Variants in PXDC1 observed in about 807,000 individuals in gnomAD.
PXDC1 encodes the protein PX domain-containing protein 1.
A neutral mutation model predicts 24.4 loss-of-function variants in PXDC1; 13 were observed. That is an observed-to-expected ratio of 0.53 (90% CI 0.35 to 0.85). The LOEUF is 0.85. Ranked by LOEUF, PXDC1 falls within the 40% of genes least tolerant of loss-of-function variation. PXDC1 has a pLI of 0.01. For missense variants in PXDC1, 344 were observed against 309.3 expected (o/e 1.11, Z -0.84); for synonymous variants, 162 against 124.9 (o/e 1.30, Z -1.98).
At position 3,751,686 on chromosome 6, in the gene PXDC1, G is replaced by C; in HGVS notation, c.-155C>G. The C allele has an allele frequency of 8.9e-7, 1 of 1,127,446 alleles. No homozygotes were observed. The highest frequency in any genetic ancestry group is 1.1e-6 in the Non-Finnish European group (1 of 898,150). The allele number at this position is 1,127,446 out of a possible 1,614,324, so 69.8% of individuals were successfully genotyped here. A position where few individuals can be genotyped will look rare whatever the true frequency, so the allele number is the denominator to read the frequency against. On this transcript the variant is annotated 5_prime_UTR_variant, in exon 1 of 5. Coordinates refer to ENST00000380283, the MANE Select transcript of PXDC1 (RefSeq NM_183373.4). ...AGGAGGCTGCGTATGGCCCGCGTTC[G>C]GGGCAGCGGGGCGGCGCGGCGGCGA... is the stretch of plus-strand genomic sequence containing the variant.
At chr6:3,740,495 G>A (rs1026341834) in intron 1 of PXDC1, among the ~76,000 whole-genome samples, 19 of 152,136 alleles carry the variant, frequency 1.2e-4, no homozygotes, top group Non-Finnish European at 5.9e-5. Context: ...ATCTGCCTAC[G>A]CTATCTTCTT....
chr6:3,732,710 G>A (rs1169780488), intron 3 of PXDC1, among the ~76,000 whole-genome samples: 3 of 152,220 alleles, frequency 2.0e-5, no homozygotes, highest in African/African-American at 7.2e-5. Context: ...CGCCGCGCCT[G>A]CTAGCGCCGG....
rs1402712497 is a variant in PXDC1 at position 3,749,266 on chromosome 6, G to A, written c.256+2010C>T. Among the ~76,000 whole-genome samples, 4 of 151,210 alleles carry A rather than the reference G, an allele frequency of 2.6e-5. No homozygotes were observed. In the East Asian group the frequency reaches 5.9e-4, roughly 22 times the overall value. ...CCAACAGTTCCACGGTGTGCTGTGA[G>A]AAAGTCCTTTACACCCAGCCGCTGG... On this transcript the variant is annotated intron_variant, in intron 1 of 4. Transcript: ENST00000380283.
At chr6:3,746,037 G>A (rs571330478) in intron 1 of PXDC1, among the ~76,000 whole-genome samples, 75 of 152,286 alleles carry the variant, frequency 4.9e-4, no homozygotes, top group African/African-American at 1.2e-3. Context: ...AGCTCCTCTC[G>A]CCACCAAGCA....
intron 1 of PXDC1, among the ~76,000 whole-genome samples, chr6:3,747,815 T>C (rs1416018168): frequency 6.6e-6 from 1 of 152,248 alleles, no homozygotes; most frequent in African/African-American, 2.4e-5. Context: ...ATAAGAATCA[T>C]GAGGGCAGGG....
rs1760028917 is a variant in PXDC1 at position 3,725,057 on chromosome 6, A to G, written c.579-1321T>C. 6.6e-6 allele frequency among the ~76,000 whole-genome samples: 1 copy of G among 152,036 alleles called. No individual in the cohort carries two copies. The highest frequency in any genetic ancestry group is 2.4e-5 in the African/African-American group (1 of 41,406). ...AGCCCTAGCTGTGGGTGGGAAAGCT[A>G]TGGGGGGCTCACGGAGACAGAGCAG... On this transcript the variant is annotated intron_variant, in intron 4 of 4. Coordinates refer to ENST00000380283, the MANE Select transcript of PXDC1 (RefSeq NM_183373.4). This position sits in a 1 kb window ranked among gnomAD's most constrained non-coding sequence, Gnocchi z 4.8.
At chr6:3,750,682 G>A (rs1456676085) in intron 1 of PXDC1, among the ~76,000 whole-genome samples, 5 of 152,198 alleles carry the variant, frequency 3.3e-5, no homozygotes, top group Admixed American at 6.5e-5. Context: ...GACCAGCCCT[G>A]GCGGGGGTGC....
In PXDC1 at chr6:3,725,148, G is replaced by T. The variant is rs1760031206; in HGVS notation, c.579-1412C>A. Among the ~76,000 whole-genome samples, 1 of 152,078 alleles carries T rather than the reference G, an allele frequency of 6.6e-6. No individual in the cohort carries two copies. Among genetic ancestry groups the T allele is most frequent in the African/African-American group, 2.4e-5 (1 of 41,398 alleles). ...CCAGGGCTGGATGGAAACCCAAGGG[G>T]GAACCTTGGGCGTGCCGAAAGGTTC... On this transcript the variant is annotated intron_variant, in intron 4 of 4. Transcript: ENST00000380283. The surrounding 1 kb of genome is among the most constrained non-coding windows in gnomAD (Gnocchi z 4.8).
intron 1 of PXDC1, among the ~76,000 whole-genome samples, chr6:3,745,436 C>T (rs1760544605): frequency 1.3e-5 from 2 of 152,240 alleles, no homozygotes; most frequent in African/African-American, 4.8e-5. Flanking sequence ...GCCCTGCGTG[C>T]GGATATTATT....
rs1016414862 is a variant in PXDC1 at position 3,728,246 on chromosome 6, G to A, written c.467-584C>T. 2.6e-5 allele frequency among the ~76,000 whole-genome samples: 4 copies of A among 152,082 alleles called. No individual in the cohort carries two copies. Among genetic ancestry groups the A allele is most frequent in the Admixed American group, 2.6e-4 (4 of 15,274 alleles). ...TTTGGTGGATCCATCACCCAAGCAGGGTACACTATACCCAGTAAGTAGTCT... is the reference window on the plus strand; with the variant it reads ...TTTGGTGGATCCATCACCCAAGCAGAGTACACTATACCCAGTAAGTAGTCT... On this transcript the variant is annotated intron_variant, in intron 3 of 4. Transcript: ENST00000380283. The surrounding 1 kb of genome is among the most constrained non-coding windows in gnomAD (Gnocchi z 4.0).
At position 3,751,358 on chromosome 6, in the gene PXDC1, C is replaced by T. The variant is rs772832078; in HGVS notation, c.174G>A (p.Ala58=). 6.4e-7 allele frequency: 1 copy of T among 1,558,462 alleles called. No individual in the cohort carries two copies. Among genetic ancestry groups the T allele is most frequent in the African/African-American group, 1.4e-5 (1 of 73,200 alleles). ...GGCGCTGCCACAGGCGGCCCAGGTCCGCCAGGCTGCGGTGCAGGTAGAGCA... is the reference window on the plus strand; with the variant it reads ...GGCGCTGCCACAGGCGGCCCAGGTCTGCCAGGCTGCGGTGCAGGTAGAGCA... ...RSVLYLHRSL[A]DLGRLWQRLR... is the part of the protein sequence containing the mutation. Residue 58 remains alanine, a synonymous_variant, in exon 1 of 5, where the codon GCG becomes GCA. Coordinates refer to ENST00000380283, the MANE Select transcript of PXDC1 (RefSeq NM_183373.4).
chr6:3,736,368 C>T (rs760305489), intron 3 of PXDC1, among the ~76,000 whole-genome samples: 4 of 152,172 alleles, frequency 2.6e-5, no homozygotes, highest in African/African-American at 7.2e-5. Flanking sequence ...CATGAGTCCC[C>T]CCTTCCCTCC....
chr6:3,729,669 G>A (rs1760152731), intron 3 of PXDC1, among the ~76,000 whole-genome samples: 2 of 152,118 alleles, frequency 1.3e-5, no homozygotes, highest in Admixed American at 1.3e-4. Flanking sequence ...AGATTCCCTC[G>A]CCTCTCTATC....
At position 3,740,498 on chromosome 6, in the gene PXDC1, ATCT is replaced by A. The variant is rs764083702; in HGVS notation, c.257-2353_257-2351del. ...GTCCGGTATTTTATCTGCCTACGCT[ATCT>A]TCTTTGTGACCCATCTTCCAGACTG... On this transcript the variant is annotated intron_variant, in intron 1 of 4. Transcript: ENST00000380283. Among the ~76,000 whole-genome samples, 37 of 152,288 alleles carry A rather than the reference ATCT, an allele frequency of 2.4e-4. No individual in the cohort carries two copies. In the Middle Eastern group the frequency reaches 0.01, roughly 42 times the overall value.
rs6938012 is a variant in PXDC1, at chr6:3,728,536, T to C, written c.467-874A>G. ...AAAGAAAAACGACTTCCTACGTCCA[T>C]ACTGGCTGCATGGCATGAGCTAGAG... is the stretch of plus-strand genomic sequence containing the variant. On this transcript the variant is annotated intron_variant, in intron 3 of 4. Transcript: ENST00000380283. The surrounding 1 kb of genome is among the most constrained non-coding windows in gnomAD (Gnocchi z 4.0). Among the ~76,000 whole-genome samples, 2,743 of 152,276 alleles carry C rather than the reference T, an allele frequency of 0.018. 96 individuals are homozygous for C. Among genetic ancestry groups the C allele is most frequent in the African/African-American group, 0.063 (2,621 of 41,526 alleles).
At chr6:3,741,653 G>C (rs1386941628) in intron 1 of PXDC1, among the ~76,000 whole-genome samples, 3 of 152,194 alleles carry the variant, frequency 2.0e-5, no homozygotes, top group African/African-American at 7.2e-5. Flanking sequence ...CCACCTGACT[G>C]ACAGCAGCAC....
intron 1 of PXDC1, among the ~76,000 whole-genome samples, chr6:3,746,277 A>G (rs1264967051): frequency 6.6e-6 from 1 of 152,194 alleles, no homozygotes; most frequent in Non-Finnish European, 1.5e-5. Flanking sequence ...CTCAGTGGCC[A>G]TTTATGGAAA....
chr6:3,724,224 C>T lies in PXDC1; in HGVS notation c.579-488G>A, dbSNP rs754563364. On this transcript the variant is annotated intron_variant, in intron 4 of 4. Transcript: ENST00000380283. This position sits in a 1 kb window ranked among gnomAD's most constrained non-coding sequence, Gnocchi z 4.5. ...AGGCTGGAGAAGAGCCGGCGAGGCC[C>T]GTGGAGGTCACGGGGGGAGACACCT... Among the ~76,000 whole-genome samples, 8 of 152,218 alleles carry T rather than the reference C, an allele frequency of 5.3e-5. No homozygotes were observed. In the East Asian group the frequency reaches 7.7e-4, roughly 15 times the overall value.
chr6:3,734,806 C>T (rs546969086), intron 3 of PXDC1, among the ~76,000 whole-genome samples: 27 of 152,206 alleles, frequency 1.8e-4, no homozygotes, highest in Middle Eastern at 3.4e-3. Flanking sequence ...AATCCTAGGC[C>T]GGGCGCAGTG....
Sources: allele counts gnomAD v4.1 joint callset (sites outside exome capture counted in the v4.1 genomes callset), GRCh38; gene constraint gnomAD v4.1.1; non-coding constraint Gnocchi (gnomAD v3.1); transcripts MANE v1.5; gene names NCBI Gene and HGNC (gene_info 2026-07-23, HGNC 2026-07-21).